Variants in GPM6A observed in about 807,000 individuals in gnomAD.
GPM6A encodes the protein glycoprotein M6A.
In GPM6A, 7 loss-of-function variants were observed where a neutral mutation model predicts 32.1. The ratio of observed to expected loss-of-function variants is 0.22; its 90% CI spans 0.12 to 0.41. The LOEUF (loss-of-function observed/expected upper bound fraction) is 0.41. Ranked by LOEUF, GPM6A falls within the 10% of genes least tolerant of loss-of-function variation. GPM6A has a pLI of 1.00. For synonymous variants in GPM6A, 130 were observed against 123.4 expected (o/e 1.05, Z -0.35); for missense variants, 235 against 347.2 (o/e 0.68, Z 2.57).
At chr4:176,001,745 C>G (rs1489008621) in intron 1 of GPM6A, among the ~76,000 whole-genome samples, 8 of 152,170 alleles carry the variant, frequency 5.3e-5, no homozygotes, top group Non-Finnish European at 1.2e-4. Flanking sequence ...ATGGGCACTT[C>G]GTTTGGAAAG....
intron 1 of GPM6A, among the ~76,000 whole-genome samples, chr4:175,979,924 A>G (rs561514876): frequency 6.6e-6 from 1 of 152,274 alleles, no homozygotes; most frequent in East Asian, 1.9e-4. Context: ...AAGTATACTG[A>G]TCTGGTTTAC....
intron 1 of GPM6A, among the ~76,000 whole-genome samples, chr4:175,940,226 A>G (rs1301300574): frequency 6.6e-6 from 1 of 152,140 alleles, no homozygotes; most frequent in Admixed American, 6.5e-5. Flanking sequence ...GCCAACGTAA[A>G]TATGATTCAG....
chr4:175,725,441 C>T (rs1746356590), intron 1 of GPM6A, among the ~76,000 whole-genome samples: 1 of 151,800 alleles, frequency 6.6e-6, no homozygotes, highest in South Asian at 2.1e-4. Flanking sequence ...AGCAGGCATG[C>T]ACCACCACAC....
intron 1 of GPM6A, chr4:175,808,634 C>T (rs901530535): frequency 1.3e-5 from 2 of 152,196 alleles, no homozygotes; most frequent in African/African-American, 4.8e-5. Context: ...GACCCAGTCC[C>T]TGAGAGTCAC....
At chr4:175,824,065 C>T (rs188806062) in intron 1 of GPM6A, among the ~76,000 whole-genome samples, 29 of 152,260 alleles carry the variant, frequency 1.9e-4, no homozygotes, top group African/African-American at 6.5e-4. Flanking sequence ...GATCTACTCT[C>T]CATTAAGGAG....
intron 1 of GPM6A, among the ~76,000 whole-genome samples, chr4:175,863,161 T>TA (rs1285829079): frequency 1.3e-5 from 2 of 152,132 alleles, no homozygotes; most frequent in Non-Finnish European, 2.9e-5. Context: ...ATGCATATAT[T>TA]AAAAAATCAC....
At chr4:175,685,983 T>G (rs1743958619) in intron 2 of GPM6A, among the ~76,000 whole-genome samples, 1 of 152,114 alleles carries the variant, frequency 6.6e-6, no homozygotes, top group Admixed American at 6.5e-5. Flanking sequence ...GGCTTAGAAA[T>G]ATGCTTTCTT....
chr4:175,931,709 C>CACACACACAT (rs1324269132), intron 1 of GPM6A, among the ~76,000 whole-genome samples: 11 of 129,294 alleles, frequency 8.5e-5, no homozygotes, highest in African/African-American at 3.2e-4. Flanking sequence ...CACACACACA[C>CACACACACAT]ATATATATAT....
At chr4:175,727,969 A>G (rs1052795145) in intron 1 of GPM6A, among the ~76,000 whole-genome samples, 2 of 148,198 alleles carry the variant, frequency 1.3e-5, no homozygotes, top group Non-Finnish European at 3.0e-5. Context: ...GTGCCACTGC[A>G]CTTCAGCCTG....
At chr4:175,831,233 A>C (rs765944220) in intron 1 of GPM6A, among the ~76,000 whole-genome samples, 55 of 152,194 alleles carry the variant, frequency 3.6e-4, no homozygotes, top group Non-Finnish European at 5.6e-4. Context: ...AAAGAATTTG[A>C]ATCTAATAGA....
chr4:175,701,841 C>T (rs1349177622), intron 1 of GPM6A, 74 bp from the exon 2 acceptor site: 28 of 1,052,044 alleles, frequency 2.7e-5, no homozygotes, highest in Non-Finnish European at 2.7e-5. Context: ...AACTTCAGCA[C>T]TATGGGAAAG....
At chr4:175,812,089 C>T (rs1734941445) in intron 1 of GPM6A, 102 bp downstream of exon 1, 2 of 869,130 alleles carry the variant, frequency 2.3e-6, no homozygotes, top group South Asian at 1.7e-5. Flanking sequence ...AAATGCCTTC[C>T]AAGAGAGAAA....
intron 1 of GPM6A, among the ~76,000 whole-genome samples, chr4:175,734,484 G>A (rs538341374): frequency 5.3e-5 from 8 of 151,976 alleles, no homozygotes; most frequent in South Asian, 4.2e-4. Context: ...TGGTTTGAAC[G>A]TTTGGTCTCA....
Position 175,691,794 on chromosome 4 carries a change from G to A in GPM6A, c.230+9781C>T, listed in dbSNP as rs142257896. Among the ~76,000 whole-genome samples the A allele has an allele frequency of 4.5e-4, 69 of 152,262 alleles. 1 individual carries two copies. Among genetic ancestry groups the A allele is most frequent in the African/African-American group, 1.6e-3 (65 of 41,536 alleles). ...ATTAAATTAATGATATTGAGGTGAG[G>A]AGATTACCCTGGATTATCTGGGTAG... On this transcript the variant is annotated intron_variant, in intron 2 of 6. Transcript: ENST00000393658.
chr4:175,816,631 A>T (rs1735109191), upstream of GPM6A, among the ~76,000 whole-genome samples: 1 of 152,192 alleles, frequency 6.6e-6, no homozygotes, highest in Non-Finnish European at 1.5e-5. Flanking sequence ...GTGGAAAAGA[A>T]GATCATGAAA....
At chr4:175,819,290 A>G (rs1735204513) in intron 1 of GPM6A, among the ~76,000 whole-genome samples, 1 of 152,192 alleles carries the variant, frequency 6.6e-6, no homozygotes, top group African/African-American at 2.4e-5. Flanking sequence ...TGAGCTCACC[A>G]AAGAATAAAC....
At chr4:175,760,665 A>G (rs973550573) in intron 1 of GPM6A, among the ~76,000 whole-genome samples, 26 of 152,178 alleles carry the variant, frequency 1.7e-4, no homozygotes, top group African/African-American at 5.3e-4. Flanking sequence ...ATAAACTGAA[A>G]ACCATAGGGA....
At chr4:175,873,922 T>C (rs79010747) in intron 1 of GPM6A, among the ~76,000 whole-genome samples, 4,739 of 152,274 alleles carry the variant, frequency 0.031, 221 homozygotes, top group African/African-American at 0.11. Flanking sequence ...TATTAGGGTG[T>C]CTATTTTCCC....
chr4:175,639,826 A>G (rs994412292), intron 6 of GPM6A, among the ~76,000 whole-genome samples: 2 of 152,132 alleles, frequency 1.3e-5, no homozygotes, highest in South Asian at 2.1e-4. Flanking sequence ...GATTACTCAC[A>G]ATGTCACATT....
Sources: allele counts gnomAD v4.1 joint callset (sites outside exome capture counted in the v4.1 genomes callset), GRCh38; gene constraint gnomAD v4.1.1; transcripts MANE v1.5; gene names NCBI Gene and HGNC (gene_info 2026-07-23, HGNC 2026-07-21).